The following VPS37C variants were observed in gnomAD, a reference collection of about 807,000 sequenced individuals.
VPS37C encodes the protein vacuolar protein sorting-associated protein 37C.
A neutral mutation model predicts 16.1 loss-of-function variants in VPS37C; 9 were observed. That is an observed-to-expected ratio of 0.56 (90% CI 0.34 to 0.97). The LOEUF (loss-of-function observed/expected upper bound fraction) is 0.97, where lower values mean the gene tolerates loss of function less well. Ranked by LOEUF, VPS37C falls within the 50% of genes least tolerant of loss-of-function variation. The pLI, the probability that VPS37C is intolerant of heterozygous loss-of-function variation, is 0.02. For synonymous variants in VPS37C, 207 were observed against 206.4 expected, an observed-to-expected ratio of 1.00 and a Z score of -0.02; for missense variants, 479 against 472.7, an observed-to-expected ratio of 1.01 and a Z score of -0.12.
chr11:61,132,130 C>A lies in VPS37C; in HGVS notation c.758G>T (p.Arg253Met). ...PTYPAAQLGP[R>M]GAAGYSWSPQ... The stretch of plus-strand genomic sequence containing the variant: ...GGACCAGGAGTAACCCGCAGCACCC[C>A]TGGGTCCAAGCTGGGCTGCCGGGTA... Residue 253 changes from arginine to methionine, a missense_variant, in exon 5 of 5, where the codon AGG becomes ATG. Physicochemically the swap from Arg to Met is moderately conservative, Grantham distance 91. Coordinates refer to ENST00000301765, the MANE Select transcript of VPS37C (RefSeq NM_017966.5). 2.8e-6 allele frequency: 4 copies of A among 1,441,814 alleles called. No individual in the cohort carries two copies. Among genetic ancestry groups the A allele is most frequent in the Non-Finnish European group, 3.7e-6 (4 of 1,093,780 alleles). 89.3% of individuals were successfully genotyped at this position (1,441,814 alleles called of 1,614,324 possible).
chr11:61,132,374 G>T lies in VPS37C; in HGVS notation c.514C>A (p.Pro172Thr). The T allele has an allele frequency of 6.2e-7, 1 of 1,601,382 alleles. No individual in the cohort carries two copies. Among genetic ancestry groups the T allele is most frequent in the Non-Finnish European group, 8.5e-7 (1 of 1,173,860 alleles). Residue 172 changes from proline to threonine, a missense_variant, in exon 5 of 5, where the codon CCA becomes ACA. By Grantham distance (38) the Pro-to-Thr change is conservative. Transcript: ENST00000301765. Reference protein sequence around the residue: ...ASQELAGDAPPPRPPPPVRPV... With the variant: ...ASQELAGDAPTPRPPPPVRPV... The stretch of plus-strand genomic sequence containing the variant: ...CGCACCGGGGGTGGTGGACGGGGTG[G>T]AGGGGCATCGCCGGCCAGCTCCTGG...
chr11:61,131,867 GA>G lies in VPS37C; in HGVS notation c.1020del (p.Tyr342MetfsTer96). 3.2e-6 allele frequency: 4 copies of G among 1,265,926 alleles called. No homozygotes were observed. Among genetic ancestry groups the G allele is most frequent in the Non-Finnish European group, 4.0e-6 (4 of 999,940 alleles). The allele number at this position is 1,265,926 out of a possible 1,614,324, so 78.4% of individuals were successfully genotyped here. On this transcript the variant is annotated frameshift_variant, in exon 5 of 5. Coordinates refer to ENST00000301765, the MANE Select transcript of VPS37C (RefSeq NM_017966.5). LOFTEE classifies it high-confidence loss of function. Reference protein sequence around the residue: ...LQPPYPPGPAPPYGFPPPPGP... With the variant: ...LQPPYPPGPAXPYGFPPPPGP... Reference sequence around the variant, plus strand: ...CCCGGCGGTGGTGGGAACCCATAGGGAGGGGCGGGCCCGGGGGGATAAGGGG... The same window carrying G: ...CCCGGCGGTGGTGGGAACCCATAGGGGGGGCGGGCCCGGGGGGATAAGGGG...
At chr11:61,137,174 CCAA>C (rs1193473227) in intron 2 of VPS37C, among the ~76,000 whole-genome samples, 4 of 152,148 alleles carry the variant, frequency 2.6e-5, no homozygotes, top group African/African-American at 9.7e-5. Context: ...AGAGCCCCTG[CCAA>C]CTCCCTTCTC....
intron 1 of VPS37C, among the ~76,000 whole-genome samples, chr11:61,141,621 G>A (rs1354952966): frequency 6.6e-6 from 1 of 152,102 alleles, no homozygotes; most frequent in Non-Finnish European, 1.5e-5. Flanking sequence ...GAACCTCCCT[G>A]AGCCTTGAAT....
intron 1 of VPS37C, among the ~76,000 whole-genome samples, chr11:61,158,090 T>C (rs1400434065): frequency 2.6e-5 from 4 of 152,220 alleles, no homozygotes; most frequent in Non-Finnish European, 4.4e-5. Flanking sequence ...CTTTTCTTTA[T>C]AAATTATCCA....
At chr11:61,132,858 G>A (rs1861297932) in intron 4 of VPS37C, 2 of 543,046 alleles carry the variant, frequency 3.7e-6, no homozygotes, top group South Asian at 2.1e-5. Flanking sequence ...CCCAGGGACT[G>A]GGAGGGCCTA....
At position 61,134,052 on chromosome 11, in the gene VPS37C, C is replaced by T. The variant is rs1861318924; in HGVS notation, c.249G>A (p.Glu83=). The change falls in exon 3 of 5, where the codon GAG becomes GAA. Residue 83 remains glutamate (E), a synonymous_variant. Coordinates refer to ENST00000301765, the MANE Select transcript of VPS37C (RefSeq NM_017966.5). ...ELRKLVERCQ[E]QKAKLEKFSS... ...CCACCCTACCCAGCTTTGCCTTCTG[C>T]TCCTGGCACCGCTCCACGAGCTTCC... 1 of 1,611,602 alleles carries T rather than the reference C, an allele frequency of 6.2e-7. No individual in the cohort carries two copies. Among genetic ancestry groups the T allele is most frequent in the South Asian group, 1.1e-5 (1 of 91,014 alleles).
intron 1 of VPS37C, among the ~76,000 whole-genome samples, chr11:61,153,710 G>A (rs1293536223): frequency 6.6e-6 from 1 of 152,144 alleles, no homozygotes; most frequent in Admixed American, 6.5e-5. Flanking sequence ...GAGGGACTCC[G>A]GGCCCAAGAC....
At chr11:61,149,373 A>G (rs1853264524) in intron 1 of VPS37C, among the ~76,000 whole-genome samples, 1 of 152,188 alleles carries the variant, frequency 6.6e-6, no homozygotes, top group Non-Finnish European at 1.5e-5. Context: ...ACCTTTCACT[A>G]GCTATATCAC....
intron 1 of VPS37C, among the ~76,000 whole-genome samples, chr11:61,142,974 C>CAA (rs1861498877): frequency 1.4e-5 from 1 of 69,876 alleles, no homozygotes; most frequent in African/African-American, 6.6e-5. Flanking sequence ...AAAAGAATAG[C>CAA]TAAAAAAAAA....
intron 1 of VPS37C, among the ~76,000 whole-genome samples, chr11:61,143,118 ACAG>A (rs1169573816): frequency 1.4e-4 from 21 of 151,970 alleles, no homozygotes; most frequent in African/African-American, 5.1e-4. Context: ...CGTGCGGAAC[ACAG>A]TAAGTACCAC....
At chr11:61,137,918 C>T (rs894147199) in intron 2 of VPS37C, among the ~76,000 whole-genome samples, 6 of 152,254 alleles carry the variant, frequency 3.9e-5, no homozygotes, top group African/African-American at 7.2e-5. Context: ...CATGGAAGCA[C>T]GGAGACACTG....
At chr11:61,157,688 G>C (rs1176799313) in intron 1 of VPS37C, among the ~76,000 whole-genome samples, 5 of 152,206 alleles carry the variant, frequency 3.3e-5, no homozygotes, top group Non-Finnish European at 7.3e-5. Flanking sequence ...ATCAGACAAA[G>C]TAGATTTCAG....
chr11:61,138,257 CT>C, intron 2 of VPS37C: 1 of 158,844 alleles, frequency 6.3e-6, no homozygotes, highest in Admixed American at 5.9e-5. Context: ...AGGCAGGATT[CT>C]GTTTCTTTCC....
At chr11:61,149,494 C>A (rs1395570954) in intron 1 of VPS37C, among the ~76,000 whole-genome samples, 2 of 152,156 alleles carry the variant, frequency 1.3e-5, no homozygotes, top group Non-Finnish European at 2.9e-5. Flanking sequence ...GACCACCAAG[C>A]AGCAGGTCTG....
At chr11:61,160,671 C>T (rs1853459553) in intron 1 of VPS37C, among the ~76,000 whole-genome samples, 1 of 152,186 alleles carries the variant, frequency 6.6e-6, no homozygotes, top group South Asian at 2.1e-4. Flanking sequence ...GTCCACTCTG[C>T]CAGTAACTCA....
intron 4 of VPS37C, 104 bp from the exon 5 acceptor site, chr11:61,132,643 C>T: frequency 6.9e-7 from 1 of 1,452,658 alleles, no homozygotes; most frequent in African/African-American, 1.4e-5. Flanking sequence ...CTCACGCCGC[C>T]TCAGGCACCC....
Position 61,130,416 on chromosome 11 carries a change from G to A in VPS37C, c.*1404C>T. On this transcript the variant is annotated 3_prime_UTR_variant, in exon 5 of 5. Coordinates refer to ENST00000301765, the MANE Select transcript of VPS37C (RefSeq NM_017966.5). ...CATTTGGTAAAGAACCGGCAGCGCT[G>A]ACCTAGCGTCACGCGGATGGCACAT... 5.9e-6 allele frequency: 1 copy of A among 169,844 alleles called. No individual in the cohort carries two copies. Among genetic ancestry groups the A allele is most frequent in the Non-Finnish European group, 1.3e-5 (1 of 79,574 alleles). 10.5% of individuals were successfully genotyped at this position (169,844 alleles called of 1,614,324 possible).
intron 3 of VPS37C, 94 bp from the exon 4 acceptor site, chr11:61,133,431 A>G (rs1465930149): frequency 7.9e-7 from 1 of 1,260,958 alleles, no homozygotes; most frequent in Non-Finnish European, 1.1e-6. Context: ...ATCCAGGCCC[A>G]GCCACCACAG....
Sources: allele counts gnomAD v4.1 joint callset (sites outside exome capture counted in the v4.1 genomes callset), GRCh38; gene constraint gnomAD v4.1.1; transcripts MANE v1.5; gene names NCBI Gene and HGNC (gene_info 2026-07-23, HGNC 2026-07-21).